KANSL1L: variants seen among roughly 807,000 people sequenced by gnomAD.
The protein encoded by KANSL1L is KAT8 regulatory NSL complex subunit 1 like.
A neutral mutation model predicts 108.6 loss-of-function variants in KANSL1L; 25 were observed. The observed-to-expected ratio is 0.23, with a 90% CI of 0.17 to 0.32. The LOEUF is 0.32. Ranked by LOEUF, KANSL1L falls within the 10% of genes least tolerant of loss-of-function variation. The probability of loss-of-function intolerance (pLI) is 1.00; values close to 1 mark genes in which losing one functional copy is unlikely to be tolerated. For missense variants in KANSL1L, 1,137 were observed against 1,125.7 expected (o/e 1.01, Z -0.14); for synonymous variants, 405 against 395.1 (o/e 1.03, Z -0.30).
chr2:210,041,476 C>T (rs1190322128), intron 7 of KANSL1L, among the ~76,000 whole-genome samples: 1 of 152,186 alleles, frequency 6.6e-6, no homozygotes, highest in East Asian at 1.9e-4. Context: ...GGCTCTGTTG[C>T]CCAGGCTGGA....
intron 5 of KANSL1L, among the ~76,000 whole-genome samples, chr2:210,083,473 C>G (rs2094607691): frequency 6.6e-6 from 1 of 152,124 alleles, no homozygotes; most frequent in Non-Finnish European, 1.5e-5. Flanking sequence ...CCATACTTTC[C>G]CTACTACACA....
At chr2:210,146,365 C>T (rs192678363) in intron 2 of KANSL1L, among the ~76,000 whole-genome samples, 1 of 152,170 alleles carries the variant, frequency 6.6e-6, no homozygotes, top group African/African-American at 2.4e-5. Flanking sequence ...ATCTCCTACT[C>T]GACTATCTTG....
At chr2:210,048,864 C>G (rs1002228748) in intron 6 of KANSL1L, among the ~76,000 whole-genome samples, 1 of 152,102 alleles carries the variant, frequency 6.6e-6, no homozygotes, top group Non-Finnish European at 1.5e-5. Flanking sequence ...AACTACTGTT[C>G]TAACCTATTT....
intron 2 of KANSL1L, among the ~76,000 whole-genome samples, chr2:210,137,796 C>T (rs550365900): frequency 4.3e-4 from 65 of 152,084 alleles, no homozygotes; most frequent in African/African-American, 1.5e-3. Flanking sequence ...TTTGGTAGGC[C>T]GAGGCAGGCA....
chr2:210,099,150 T>C (rs1457883251), intron 4 of KANSL1L, among the ~76,000 whole-genome samples: 10 of 152,196 alleles, frequency 6.6e-5, no homozygotes, highest in Non-Finnish European at 1.5e-5. Context: ...GTTTTCTGAG[T>C]ATATGTAAGC....
Position 210,140,521 on chromosome 2 carries a change from T to C in KANSL1L, c.1089-11349A>G. Among the ~76,000 whole-genome samples, 2 of 152,232 alleles carry C rather than the reference T, an allele frequency of 1.3e-5. 1 individual carries two copies. Among genetic ancestry groups the C allele is most frequent in the Non-Finnish European group, 2.9e-5 (2 of 68,046 alleles). ...TCTGTTTCATAGGCATATGTGTGTT[T>C]TTAATTCCAGTGGCATGCTGTTTTG... On this transcript the variant is annotated intron_variant, in intron 2 of 14. Coordinates refer to ENST00000281772, the MANE Select transcript of KANSL1L (RefSeq NM_152519.4).
At chr2:210,041,735 C>T (rs548510469) in intron 7 of KANSL1L, among the ~76,000 whole-genome samples, 2 of 152,260 alleles carry the variant, frequency 1.3e-5, no homozygotes, top group South Asian at 4.1e-4. Context: ...ACTGTGCCCA[C>T]CTGGCTGGGT....
chr2:210,023,206 G>T, intron 14 of KANSL1L, 27 bp from the exon 15 acceptor site: 1 of 1,517,814 alleles, frequency 6.6e-7, no homozygotes, highest in Non-Finnish European at 9.1e-7. Flanking sequence ...TTTCAGTTAA[G>T]TTTCAACTAA....
rs374093114 is a variant in KANSL1L, at chr2:210,027,338, A to C, written c.2409T>G (p.Val803=). ...KEILTPSWRM[V]VLQPLDEYNL... ...TATATTCATCCAAAGGCTGAAGAAC[A>C]ACCATCCTCCAGCTGTTGAAGATAA... The change falls in exon 12 of 15, where the codon GTT becomes GTG. Residue 803 remains valine, a synonymous_variant. Transcript: ENST00000281772. The C allele has an allele frequency of 7.4e-6, 12 of 1,612,702 alleles. No homozygotes were observed. The highest frequency in any genetic ancestry group is 1.0e-5 in the Non-Finnish European group (12 of 1,178,928).
intron 6 of KANSL1L, among the ~76,000 whole-genome samples, chr2:210,056,491 C>G (rs1441753152): frequency 6.6e-6 from 1 of 151,968 alleles, no homozygotes; most frequent in East Asian, 1.9e-4. Flanking sequence ...AGCTAAATAT[C>G]TTTTTTTGAG....
intron 2 of KANSL1L, among the ~76,000 whole-genome samples, chr2:210,143,792 T>A (rs2095246784): frequency 6.6e-6 from 1 of 152,208 alleles, no homozygotes; most frequent in Non-Finnish European, 1.5e-5. Flanking sequence ...CATCTTTTCA[T>A]ATTGTACATC....
At chr2:210,169,355 C>T (rs1017429971) in intron 1 of KANSL1L, among the ~76,000 whole-genome samples, 1 of 152,030 alleles carries the variant, frequency 6.6e-6, no homozygotes, top group Non-Finnish European at 1.5e-5. Context: ...TGTTAAGCAG[C>T]TATTAAAAAT....
At chr2:210,035,252 T>C (rs906878835) in intron 8 of KANSL1L, 2 of 152,362 alleles carry the variant, frequency 1.3e-5, no homozygotes, top group African/African-American at 2.4e-5. Context: ...TTGGTAAGTA[T>C]AAACCCTTAA....
At chr2:210,116,495 G>C (rs979636546) in intron 3 of KANSL1L, among the ~76,000 whole-genome samples, 1 of 152,178 alleles carries the variant, frequency 6.6e-6, no homozygotes, top group African/African-American at 2.4e-5. Context: ...TGCAGTCCCA[G>C]TGGTCCTTGT....
At chr2:210,056,646 A>G (rs1439720501) in intron 6 of KANSL1L, among the ~76,000 whole-genome samples, 1 of 151,984 alleles carries the variant, frequency 6.6e-6, no homozygotes, top group Non-Finnish European at 1.5e-5. Flanking sequence ...ATGTCCAGCT[A>G]ATTTTTATAT....
In KANSL1L at chr2:210,143,132, T is replaced by C. The variant is rs565936940; in HGVS notation, c.1088+10363A>G. Among the ~76,000 whole-genome samples the C allele has an allele frequency of 7.2e-5, 11 of 152,266 alleles. No homozygotes were observed. The South Asian group carries it at 2.3e-3, about 32-fold the overall frequency. On this transcript the variant is annotated intron_variant, in intron 2 of 14. Transcript: ENST00000281772. ...TATATTTAGATTCTCTGATATTGGT[T>C]ACATATGTTTATAATGTAGTATCCT... is the stretch of plus-strand genomic sequence containing the variant.
intron 5 of KANSL1L, chr2:210,096,767 T>A (rs1165020187): frequency 2.1e-6 from 2 of 954,316 alleles, no homozygotes; most frequent in African/African-American, 3.5e-5. Context: ...ATCACTGATA[T>A]GAGGAATGAA....
At chr2:210,058,439 A>G (rs1157402613) in intron 6 of KANSL1L, among the ~76,000 whole-genome samples, 1 of 152,000 alleles carries the variant, frequency 6.6e-6, no homozygotes, top group African/African-American at 2.4e-5. Context: ...CCCTGCCTCC[A>G]TTTGCCTTGT....
At chr2:210,038,009 T>C (rs942819877) in intron 8 of KANSL1L, among the ~76,000 whole-genome samples, 4 of 152,134 alleles carry the variant, frequency 2.6e-5, no homozygotes, top group Non-Finnish European at 5.9e-5. Flanking sequence ...AGAAGTAAAA[T>C]ATTTTTATCC....
Sources: gnomAD v4.1 joint callset for allele counts (sites outside exome capture counted in the v4.1 genomes callset) on GRCh38, gnomAD v4.1.1 for gene constraint, MANE v1.5 for transcripts, NCBI Gene and HGNC (gene_info 2026-07-23, HGNC 2026-07-21) for gene names.